DDX60: variants seen among roughly 807,000 people sequenced by gnomAD.
The protein encoded by DDX60 is probable ATP-dependent RNA helicase DDX60.
In DDX60, 165 loss-of-function variants were observed where a neutral mutation model predicts 212.8. The observed-to-expected ratio is 0.78, with a 90% CI of 0.68 to 0.88. The LOEUF is 0.88. Among genes scored for constraint, DDX60 ranks in the 40% least tolerant of loss-of-function variants. The pLI, the probability that DDX60 is intolerant of heterozygous loss-of-function variation, is 0.00. For missense variants in DDX60, 1,905 were observed against 2,003.9 expected (o/e 0.95, Z 0.94); for synonymous variants, 703 against 685.3 (o/e 1.03, Z -0.40).
chr4:168,222,932 C>T (rs1578964863), intron 35 of DDX60, among the ~76,000 whole-genome samples: 2 of 151,918 alleles, frequency 1.3e-5, no homozygotes, highest in Non-Finnish European at 2.9e-5. Context: ...TTATTAAGTA[C>T]TAAAAATAAA....
intron 4 of DDX60, among the ~76,000 whole-genome samples, chr4:168,307,261 C>A (rs927709736): frequency 9.2e-5 from 14 of 151,980 alleles, no homozygotes; most frequent in Admixed American, 9.2e-4. Flanking sequence ...ATTGAGACTG[C>A]AAAATGACTG....
At position 168,223,003 on chromosome 4, in the gene DDX60, G is replaced by C. The variant is rs138356799; in HGVS notation, c.4825-1122C>G. On this transcript the variant is annotated intron_variant, in intron 35 of 37. Coordinates refer to ENST00000393743, the MANE Select transcript of DDX60 (RefSeq NM_017631.6). ...GGCATAGCACTGAATGTAAATAAAA[G>C]TGACTTTCAGGTGACTGCAGTAACT... is the stretch of plus-strand genomic sequence containing the variant. 1.8e-4 allele frequency among the ~76,000 whole-genome samples: 28 copies of C among 152,212 alleles called. No individual in the cohort carries two copies. The East Asian group carries it at 4.8e-3, about 26-fold the overall frequency.
At chr4:168,294,650 G>T (rs1232382863) in intron 6 of DDX60, among the ~76,000 whole-genome samples, 2 of 151,960 alleles carry the variant, frequency 1.3e-5, no homozygotes, top group Non-Finnish European at 2.9e-5. Context: ...ACAGGCATGT[G>T]CCACTACTGC....
At position 168,251,055 on chromosome 4, in the gene DDX60, A is replaced by G; in HGVS notation, c.3757T>C (p.Leu1253=). The G allele has an allele frequency of 1.2e-6, 2 of 1,613,672 alleles. No individual in the cohort carries two copies. Among genetic ancestry groups the G allele is most frequent in the African/African-American group, 1.3e-5 (1 of 75,022 alleles). The part of the protein sequence containing the change: ...RVKFERKGEE[L]KALAERGIGY... ...ATACCCCTTTCTGCCAAGGCTTTCA[A>G]TTCTTCACCTTTTCTTTCAAATTTT... The change falls in exon 28 of 38, where the codon TTG becomes CTG. Residue 1253 remains leucine (L), a synonymous_variant. Coordinates refer to ENST00000393743, the MANE Select transcript of DDX60 (RefSeq NM_017631.6).
chr4:168,225,896 C>T (rs182850485), intron 33 of DDX60, among the ~76,000 whole-genome samples: 1 of 151,932 alleles, frequency 6.6e-6, no homozygotes, highest in East Asian at 1.9e-4. Flanking sequence ...TTACTCATTA[C>T]CCTTAAAAAT....
chr4:168,307,962 T>C (rs1736958838), intron 4 of DDX60, 44 bp downstream of exon 4: 1 of 1,265,964 alleles, frequency 7.9e-7, no homozygotes, highest in African/African-American at 1.6e-5. Context: ...GAAATTTTAG[T>C]TTTAGTTCTC....
chr4:168,261,225 A>G (rs1734611920), intron 24 of DDX60, among the ~76,000 whole-genome samples: 1 of 152,220 alleles, frequency 6.6e-6, no homozygotes, highest in Admixed American at 6.5e-5. Context: ...TTTAACCTGC[A>G]ATTTTTAAGA....
At chr4:168,276,348 C>G (rs1322553944) in intron 14 of DDX60, among the ~76,000 whole-genome samples, 167 bp from the exon 15 acceptor site, 1 of 152,170 alleles carries the variant, frequency 6.6e-6, no homozygotes, top group African/African-American at 2.4e-5. Context: ...ACTATCCACA[C>G]TTCATCATCT....
intron 4 of DDX60, 39 bp from the exon 5 acceptor site, chr4:168,306,759 T>C (rs1736900660): frequency 6.9e-7 from 1 of 1,449,204 alleles, no homozygotes. Context: ...ATTTCAAAAT[T>C]ATCATTTAAT....
intron 29 of DDX60, among the ~76,000 whole-genome samples, chr4:168,247,269 A>G (rs1490433567): frequency 6.6e-6 from 1 of 152,162 alleles, no homozygotes; most frequent in Non-Finnish European, 1.5e-5. Flanking sequence ...CTGACATTTC[A>G]ATTCCCAAGT....
chr4:168,227,086 A>C (rs1030574633), intron 33 of DDX60, among the ~76,000 whole-genome samples: 1 of 152,110 alleles, frequency 6.6e-6, no homozygotes, highest in Non-Finnish European at 1.5e-5. Flanking sequence ...TACGATAAAA[A>C]TCATGCATAT....
At chr4:168,228,617 C>T (rs1733339574) in intron 33 of DDX60, among the ~76,000 whole-genome samples, 1 of 151,846 alleles carries the variant, frequency 6.6e-6, no homozygotes, top group Non-Finnish European at 1.5e-5. Flanking sequence ...ATGTATTAAC[C>T]TTCTGAACTC....
At chr4:168,271,087 A>G (rs190633210) in intron 19 of DDX60, among the ~76,000 whole-genome samples, 1 of 152,194 alleles carries the variant, frequency 6.6e-6, no homozygotes, top group African/African-American at 2.4e-5. Flanking sequence ...CACGTTGGCC[A>G]GGCTGGCCTC....
At chr4:168,306,820 C>T (rs1736904825) in intron 4 of DDX60, 100 bp from the exon 5 acceptor site, 1 of 867,796 alleles carries the variant, frequency 1.2e-6, no homozygotes, top group Admixed American at 2.4e-5. Context: ...TAAAATCCAA[C>T]AGTTTTGTTC....
chr4:168,291,604 G>C (rs1736105582), intron 8 of DDX60, 144 bp downstream of exon 8: 5 of 530,870 alleles, frequency 9.4e-6, no homozygotes, highest in Non-Finnish European at 1.5e-5. Flanking sequence ...GCTGAAATTG[G>C]AAAGTGACTG....
chr4:168,231,841 A>G (rs559618637), intron 33 of DDX60, among the ~76,000 whole-genome samples: 1 of 152,092 alleles, frequency 6.6e-6, no homozygotes, highest in African/African-American at 2.4e-5. Context: ...CTTACTCAAC[A>G]TAGTACTAGA....
At chr4:168,324,872 A>T in the DDX60 span, among the ~76,000 whole-genome samples, 1 of 152,182 alleles carries the variant, frequency 6.6e-6, no homozygotes, top group Non-Finnish European at 1.5e-5. Flanking sequence ...AGCAGTTAAG[A>T]TCTTGTCTGC....
At chr4:168,241,816 G>C (rs1261137806) in intron 30 of DDX60, among the ~76,000 whole-genome samples, 1 of 152,112 alleles carries the variant, frequency 6.6e-6, no homozygotes, top group Non-Finnish European at 1.5e-5. Context: ...ATAGGTAATA[G>C]GGAGCCAAAC....
rs1256608094 is a variant in DDX60, at chr4:168,275,499, G to A, written c.2150C>T (p.Ala717Val). 2 of 1,591,598 alleles carry A rather than the reference G, an allele frequency of 1.3e-6. No individual in the cohort carries two copies. Among genetic ancestry groups the A allele is most frequent in the African/African-American group, 1.3e-5 (1 of 74,296 alleles). The change falls in exon 16 of 38, where the codon GCA becomes GTA. Residue 717 changes from alanine (A) to valine (V), a missense_variant. Coordinates refer to ENST00000393743, the MANE Select transcript of DDX60 (RefSeq NM_017631.6). ...TTTCTTCACTTTTACATCATTTTCT[G>A]CATCCTGCATTATTTTAAAAGTCCA... ...LASSLHPAQD[A>V]ENDVKVKKRN...
Sources: gnomAD v4.1 joint callset for allele counts (sites outside exome capture counted in the v4.1 genomes callset) on GRCh38, gnomAD v4.1.1 for gene constraint, MANE v1.5 for transcripts, NCBI Gene and HGNC (gene_info 2026-07-23, HGNC 2026-07-21) for gene names.